The following FNDC3B variants were observed in gnomAD, a reference collection of about 807,000 sequenced individuals.
The protein encoded by FNDC3B is fibronectin type III domain containing 3B.
Under a neutral mutation model 151.5 loss-of-function variants are expected in FNDC3B, and 12 were observed. That is an observed-to-expected ratio of 0.08 (90% confidence interval 0.05 to 0.13). The LOEUF is 0.13. FNDC3B is among the 10% of genes least tolerant of loss of function. FNDC3B has a pLI of 1.00. For synonymous variants in FNDC3B, 528 were observed against 549.0 expected (o/e 0.96, Z 0.54); for missense variants, 1,214 against 1,505.3 (o/e 0.81, Z 3.20).
At chr3:172,396,196 C>A (rs1304790288) in intron 25 of FNDC3B, among the ~76,000 whole-genome samples, 1 of 152,176 alleles carries the variant, frequency 6.6e-6, no homozygotes, top group Non-Finnish European at 1.5e-5. Flanking sequence ...TTATAAGGAA[C>A]TACTACCGAA....
intron 22 of FNDC3B, among the ~76,000 whole-genome samples, chr3:172,358,823 G>T (rs1734219930): frequency 6.6e-6 from 1 of 152,140 alleles, no homozygotes; most frequent in Non-Finnish European, 1.5e-5. Flanking sequence ...AAAAGTCACT[G>T]TCCCCAATTT....
intron 3 of FNDC3B, among the ~76,000 whole-genome samples, chr3:172,215,076 T>C (rs994103259): frequency 6.6e-6 from 1 of 152,260 alleles, no homozygotes; most frequent in Non-Finnish European, 1.5e-5. Flanking sequence ...AAAACAGAGC[T>C]TGTGAGGAGT....
intron 9 of FNDC3B, 81 bp from the exon 10 acceptor site, chr3:172,307,282 A>C: frequency 7.0e-7 from 1 of 1,420,304 alleles, no homozygotes; most frequent in Non-Finnish European, 9.9e-7. Context: ...ATCTACAGAA[A>C]GCCTTAGGGT....
chr3:172,136,705 G>A (rs1043895176), intron 3 of FNDC3B, among the ~76,000 whole-genome samples: 1 of 152,132 alleles, frequency 6.6e-6, no homozygotes, highest in Non-Finnish European at 1.5e-5. Flanking sequence ...GCCAACAGGC[G>A]GGAGTGTTTT....
chr3:172,320,324 G>A (rs1386254107), intron 11 of FNDC3B, among the ~76,000 whole-genome samples: 1 of 152,102 alleles, frequency 6.6e-6, no homozygotes, highest in Non-Finnish European at 1.5e-5. Flanking sequence ...AGGTTGAGGT[G>A]AGCCGAGATC....
At chr3:172,244,596 A>G (rs1405382877) in intron 4 of FNDC3B, among the ~76,000 whole-genome samples, 1 of 117,950 alleles carries the variant, frequency 8.5e-6, no homozygotes, top group Admixed American at 8.1e-5. Flanking sequence ...TATTTCTACT[A>G]TTTCAGAATT....
chr3:172,179,001 C>G (rs1723746982), intron 3 of FNDC3B, among the ~76,000 whole-genome samples: 1 of 152,116 alleles, frequency 6.6e-6, no homozygotes, highest in Admixed American at 6.5e-5. Context: ...AAGGTTTACT[C>G]TCTTTTGCTA....
In FNDC3B at chr3:172,334,214, A is replaced by G. The variant is rs895826584; in HGVS notation, c.1642-730A>G. On this transcript the variant is annotated intron_variant, in intron 14 of 25. Transcript: ENST00000415807. ...ATGATAATTTTTAACATATTTTTTA[A>G]AACCCTTATTATCGATGCTGGCTAT... is the stretch of plus-strand genomic sequence containing the variant. Among the ~76,000 whole-genome samples, 24 of 152,122 alleles carry G rather than the reference A, an allele frequency of 1.6e-4. 1 individual carries two copies. Among genetic ancestry groups the G allele is most frequent in the African/African-American group, 5.6e-4 (23 of 41,414 alleles).
At chr3:172,287,227 T>C (rs1177554582) in intron 7 of FNDC3B, among the ~76,000 whole-genome samples, 2 of 152,238 alleles carry the variant, frequency 1.3e-5, no homozygotes, top group African/African-American at 4.8e-5. Context: ...TTCTGTGTCT[T>C]TCCCGGTCTG....
chr3:172,333,356 A>G (rs1051811942), intron 14 of FNDC3B, among the ~76,000 whole-genome samples, 181 bp downstream of exon 14: 6 of 152,096 alleles, frequency 3.9e-5, no homozygotes, highest in African/African-American at 7.2e-5. Context: ...TGGAGTCTCT[A>G]TGTCACTCAG....
At chr3:172,195,139 T>G (rs1724759387) in intron 3 of FNDC3B, among the ~76,000 whole-genome samples, 1 of 152,202 alleles carries the variant, frequency 6.6e-6, no homozygotes, top group Admixed American at 6.5e-5. Context: ...AAAACCTATT[T>G]TTACTAGTAT....
intron 7 of FNDC3B, among the ~76,000 whole-genome samples, chr3:172,291,227 T>C (rs7620677): frequency 0.33 from 49,726 of 152,094 alleles, 8,511 homozygotes; most frequent in African/African-American, 0.43. Context: ...CACACACATA[T>C]AGAACAACTG....
intron 1 of FNDC3B, among the ~76,000 whole-genome samples, chr3:172,061,233 CTTT>C (rs376260481): frequency 2.2e-5 from 3 of 139,232 alleles, no homozygotes; most frequent in Non-Finnish European, 1.6e-5. Flanking sequence ...CTGCACATTA[CTTT>C]TTTTTTTTTT....
intron 3 of FNDC3B, chr3:172,225,647 G>A (rs1181168987): frequency 3.2e-5 from 5 of 157,958 alleles, no homozygotes; most frequent in African/African-American, 1.2e-4. Flanking sequence ...GGAGTGGTAT[G>A]ACTACTTCTA....
At chr3:172,067,659 TG>T (rs1717564815) in intron 1 of FNDC3B, among the ~76,000 whole-genome samples, 1 of 152,026 alleles carries the variant, frequency 6.6e-6, no homozygotes, top group Admixed American at 6.5e-5. Flanking sequence ...TCTTTGCACC[TG>T]GATCAGTGGA....
chr3:172,186,965 C>T, intron 3 of FNDC3B: 2 of 481,690 alleles, frequency 4.2e-6, no homozygotes, highest in Non-Finnish European at 3.7e-6. Context: ...AAGCAAGGAA[C>T]TATATTATTA....
intron 6 of FNDC3B, 81 bp from the exon 7 acceptor site, chr3:172,285,845 A>T: frequency 1.0e-6 from 1 of 982,152 alleles, no homozygotes; most frequent in South Asian, 1.4e-5. Flanking sequence ...AACTCCAGTT[A>T]AAAGGCCTTG....
At chr3:172,301,857 C>T (rs936339245) in intron 9 of FNDC3B, 3 of 151,994 alleles carry the variant, frequency 2.0e-5, no homozygotes, top group African/African-American at 4.8e-5. Context: ...GACCTTGTCT[C>T]TAAATAAATA....
chr3:172,315,906 C>T (rs1731758130), intron 11 of FNDC3B, among the ~76,000 whole-genome samples: 1 of 152,034 alleles, frequency 6.6e-6, no homozygotes, highest in Non-Finnish European at 1.5e-5. Flanking sequence ...TTGGCCGCAC[C>T]CACACTAATC....
Sources: gnomAD v4.1 joint callset for allele counts (sites outside exome capture counted in the v4.1 genomes callset) on GRCh38, gnomAD v4.1.1 for gene constraint, MANE v1.5 for transcripts, NCBI Gene and HGNC (gene_info 2026-07-23, HGNC 2026-07-21) for gene names.